The following CDC25B variants were observed in gnomAD, a reference collection of about 807,000 sequenced individuals.
CDC25B encodes the protein M-phase inducer phosphatase 2.
In CDC25B, 33 loss-of-function variants were observed where a neutral mutation model predicts 69.8. That is an observed-to-expected ratio of 0.47 (90% confidence interval 0.36 to 0.63). CDC25B has a LOEUF of 0.63. Ranked by LOEUF, CDC25B falls within the 30% of genes least tolerant of loss-of-function variation. CDC25B has a pLI of 0.00. For missense variants in CDC25B, 727 were observed against 809.1 expected, an observed-to-expected ratio of 0.90 and a Z score of 1.23; for synonymous variants, 341 against 314.6, an observed-to-expected ratio of 1.08 and a Z score of -0.89.
chr20:3,801,076 T>G lies in CDC25B; in HGVS notation c.688T>G (p.Ser230Ala). 6.2e-7 allele frequency: 1 copy of G among 1,613,952 alleles called. No individual in the cohort carries two copies. Among genetic ancestry groups the G allele is most frequent in the Middle Eastern group, 1.7e-4 (1 of 6,060 alleles). The change falls in exon 7 of 16, where the codon TCG becomes GCG. Residue 230 changes from serine to alanine, a missense_variant. This residue lies in a region of CDC25B where 368 missense variants were observed against 345.6 expected (regional missense o/e 1.06). Transcript: ENST00000245960. ...GGAAGCCTTTGCCCAGAGACCCAGC[T>G]CGGCCCCCGACCTGATGGTACATCC... The part of the protein sequence containing the change: ...RREAFAQRPS[S>A]APDLMCLSPD...
At chr20:3,799,426 C>G (rs2089182446) in intron 3 of CDC25B, among the ~76,000 whole-genome samples, 1 of 152,140 alleles carries the variant, frequency 6.6e-6, no homozygotes, top group African/African-American at 2.4e-5. Flanking sequence ...CATACTTTAT[C>G]CCTGAGTGGT....
At chr20:3,788,576 ATTC>A (rs2146646019) in intron 1 of CDC25B, among the ~76,000 whole-genome samples, 1 of 152,314 alleles carries the variant, frequency 6.6e-6, no homozygotes, top group Admixed American at 6.5e-5. Context: ...TATAAAAGAT[ATTC>A]TTTTAATCTC....
At chr20:3,800,247 C>A in intron 3 of CDC25B, 41 bp from the exon 4 acceptor site, 2 of 1,356,236 alleles carry the variant, frequency 1.5e-6, no homozygotes, top group Non-Finnish European at 2.0e-6. Context: ...GTGATGGGTG[C>A]GGAGGGAGCA....
At chr20:3,792,280 T>C (rs764633561), upstream of CDC25B, among the ~76,000 whole-genome samples, 1 of 151,480 alleles carries the variant, frequency 6.6e-6, no homozygotes, top group African/African-American at 2.4e-5. Flanking sequence ...TGTAAAGATA[T>C]AGACCTGCAG....
chr20:3,802,682 A>C, intron 11 of CDC25B: 3 of 606,844 alleles, frequency 4.9e-6, no homozygotes, highest in Admixed American at 2.9e-5. Flanking sequence ...CAGAGTGTGG[A>C]GTTCATCTCT....
At position 3,804,680 on chromosome 20, in the gene CDC25B, G is replaced by C; in HGVS notation, c.1602G>C (p.Pro534=). ...GGYKEFFPQH[P]NFCEPQDYRP... is the part of the protein sequence containing the mutation. ...ACAAGGAGTTCTTCCCTCAGCACCC[G>C]GTAGCGTGGGTGGGGAAGGCCACAG... is the stretch of plus-strand genomic sequence containing the variant. The change falls in exon 15 of 16, where the codon CCG becomes CCC. Residue 534 remains proline (P), a splice_region_variant and synonymous_variant. Coordinates refer to ENST00000245960, the MANE Select transcript of CDC25B (RefSeq NM_021873.4). 6.2e-7 allele frequency: 1 copy of C among 1,609,420 alleles called. No homozygotes were observed. The highest frequency in any genetic ancestry group is 8.5e-7 in the Non-Finnish European group (1 of 1,175,894).
At chr20:3,797,037 C>G (rs62208285) in intron 1 of CDC25B, among the ~76,000 whole-genome samples, 2 of 152,188 alleles carry the variant, frequency 1.3e-5, no homozygotes, top group Non-Finnish European at 2.9e-5. Context: ...AATCTCTGCC[C>G]GGATAGCCAC....
intron 8 of CDC25B, 122 bp from the exon 9 acceptor site, chr20:3,801,600 T>C (rs780396843): frequency 1.5e-4 from 153 of 1,037,416 alleles, no homozygotes; most frequent in Non-Finnish European, 2.1e-4. Flanking sequence ...GTAGGGGAGC[T>C]TCTCACCCCA....
upstream of CDC25B, among the ~76,000 whole-genome samples, chr20:3,794,786 T>A (rs1262512640): frequency 6.6e-6 from 1 of 152,150 alleles, no homozygotes; most frequent in African/African-American, 2.4e-5. Context: ...ACCCTTCAGA[T>A]GCATTGGCCC....
At chr20:3,793,647 G>A (rs2088953870), upstream of CDC25B, among the ~76,000 whole-genome samples, 1 of 148,582 alleles carries the variant, frequency 6.7e-6, no homozygotes, top group African/African-American at 2.5e-5. Context: ...TGTGCACAAT[G>A]TGCAGGTTAG....
chr20:3,800,660 G>C, intron 5 of CDC25B, 83 bp from the exon 6 acceptor site: 1 of 1,595,730 alleles, frequency 6.3e-7, no homozygotes, highest in East Asian at 2.2e-5. Flanking sequence ...AGCTGGAGGA[G>C]AGGTGGAGAA....
Position 3,796,747 on chromosome 20 carries a change from G to A in CDC25B, c.200+16G>A. The A allele has an allele frequency of 1.9e-6, 3 of 1,555,332 alleles. No homozygotes were observed. Among genetic ancestry groups the A allele is most frequent in the South Asian group, 1.2e-5 (1 of 85,890 alleles). Reference sequence around the variant, plus strand: ...GGCTCGGCAGGTAGGACACCCCAAGGAGGCTGCATATGGGGGTGAGAGGCT... The same window carrying A: ...GGCTCGGCAGGTAGGACACCCCAAGAAGGCTGCATATGGGGGTGAGAGGCT... On this transcript the variant is annotated intron_variant, in intron 1 of 15. Coordinates refer to ENST00000245960, the MANE Select transcript of CDC25B (RefSeq NM_021873.4).
chr20:3,797,567 G>T (rs1310033697), intron 1 of CDC25B, 55 bp from the exon 2 acceptor site: 7 of 1,604,034 alleles, frequency 4.4e-6, no homozygotes. Flanking sequence ...GGCTAGCCAG[G>T]CCTTGAGCCC....
At chr20:3,792,431 C>T (rs533117607), upstream of CDC25B, among the ~76,000 whole-genome samples, 1 of 152,182 alleles carries the variant, frequency 6.6e-6, no homozygotes, top group African/African-American at 2.4e-5. Context: ...TCAAGCTATC[C>T]TCCTACCTCA....
chr20:3,795,436 T>A (rs1390096000), upstream of CDC25B, among the ~76,000 whole-genome samples: 2 of 152,290 alleles, frequency 1.3e-5, no homozygotes, highest in Non-Finnish European at 2.9e-5. Context: ...TCAGCCTCCC[T>A]GGTCTGGTCA....
intron 11 of CDC25B, chr20:3,802,670 A>G: frequency 1.7e-6 from 1 of 604,768 alleles, no homozygotes; most frequent in Non-Finnish European, 2.9e-6. Flanking sequence ...GAGGGTAGGG[A>G]GCAGAGTGTG....
At chr20:3,791,967 G>A (rs931916514), upstream of CDC25B, among the ~76,000 whole-genome samples, 1 of 152,220 alleles carries the variant, frequency 6.6e-6, no homozygotes. Context: ...AGGCTGGAGT[G>A]CAGTGGCACG....
rs760051246 is a variant in CDC25B, at chr20:3,803,464, G to A, written c.1417G>A (p.Ala473Thr). 4.0e-5 allele frequency: 64 copies of A among 1,613,700 alleles called. No individual in the cohort carries two copies. Among genetic ancestry groups the A allele is most frequent in the Non-Finnish European group, 5.2e-5 (61 of 1,179,960 alleles). Residue 473 changes from alanine to threonine, a missense_variant, in exon 14 of 16, where the codon GCG (alanine) becomes ACG (threonine). Ala to Thr is a moderately conservative substitution (Grantham distance 58). Around this residue, in one of 2 missense-constraint regions of CDC25B, gnomAD observed 359 missense variants for 463.4 expected, o/e 0.77. Coordinates refer to ENST00000245960, the MANE Select transcript of CDC25B (RefSeq NM_021873.4). The surrounding 1 kb of genome is among the most constrained non-coding windows in gnomAD (Gnocchi z 4.9). ...GAGCTTCCTACTGAAGAGCCCCATC[G>A]CGCCCTGTAGCCTGGACAAGAGAGT... ...AESFLLKSPIAPCSLDKRVIL... is the reference protein window; with the variant it reads ...AESFLLKSPITPCSLDKRVIL...
At position 3,803,825 on chromosome 20, in the gene CDC25B, G is replaced by T. The variant is rs138342554; in HGVS notation, c.1490+288G>T. Among the ~76,000 whole-genome samples the T allele has an allele frequency of 2.6e-5, 4 of 152,262 alleles. No individual in the cohort carries two copies. In the East Asian group the frequency reaches 7.7e-4, roughly 29 times the overall value. ...GCGGTGTCTTTTCTCGAAATCTAAG[G>T]GCCGCGTGTCAGTCCCCAGTACACG... On this transcript the variant is annotated intron_variant, in intron 14 of 15. Transcript: ENST00000245960. The surrounding 1 kb of genome is among the most constrained non-coding windows in gnomAD (Gnocchi z 4.9).
Sources: gnomAD v4.1 joint callset for allele counts (sites outside exome capture counted in the v4.1 genomes callset) on GRCh38, gnomAD v4.1.1 for gene constraint, gnomAD v4.1.1 regional missense constraint, Gnocchi (gnomAD v3.1) non-coding constraint, MANE v1.5 for transcripts, NCBI Gene and HGNC (gene_info 2026-07-23, HGNC 2026-07-21) for gene names.